The following SRRM3 variants were observed in gnomAD, a reference collection of about 807,000 sequenced individuals.
SRRM3 encodes the protein serine/arginine repetitive matrix 3.
In SRRM3, 27 loss-of-function variants were observed where a neutral mutation model predicts 66.2. That is an observed-to-expected ratio of 0.41 (90% CI 0.30 to 0.56). The LOEUF (loss-of-function observed/expected upper bound fraction) is 0.56, where lower values mean the gene tolerates loss of function less well. Among genes scored for constraint, SRRM3 ranks in the 20% least tolerant of loss-of-function variants. The pLI, the probability that SRRM3 is intolerant of heterozygous loss-of-function variation, is 0.32. For synonymous variants in SRRM3, 391 were observed against 414.9 expected, an observed-to-expected ratio of 0.94 and a Z score of 0.70; for missense variants, 918 against 991.9, an observed-to-expected ratio of 0.93 and a Z score of 1.00.
chr7:76,265,755 T>C (rs1293016285), intron 10 of SRRM3, among the ~76,000 whole-genome samples: 63 of 139,210 alleles, frequency 4.5e-4, no homozygotes, highest in African/African-American at 1.6e-3. Context: ...TTATTATATA[T>C]AATTATATAT....
chr7:76,221,359 CTTTT>C (rs781915041), intron 1 of SRRM3, among the ~76,000 whole-genome samples: 3 of 95,364 alleles, frequency 3.1e-5, no homozygotes, highest in African/African-American at 1.1e-4. Context: ...CTGCCCTCCT[CTTTT>C]TTTTTTTTTT....
intron 5 of SRRM3, 32 bp from the exon 6 acceptor site, chr7:76,260,842 G>A (rs369109488): frequency 5.6e-5 from 87 of 1,554,044 alleles, no homozygotes; most frequent in Middle Eastern, 1.7e-4. Context: ...CCATCCATCC[G>A]TCTGTCCTTT....
At chr7:76,245,330 C>T (rs980340968) in intron 2 of SRRM3, among the ~76,000 whole-genome samples, 2 of 152,240 alleles carry the variant, frequency 1.3e-5, no homozygotes, top group Non-Finnish European at 1.5e-5. Context: ...ATACCATTTT[C>T]GTGGATGGCT....
intron 1 of SRRM3, among the ~76,000 whole-genome samples, chr7:76,207,593 G>T (rs1800333719): frequency 1.3e-5 from 2 of 152,112 alleles, no homozygotes; most frequent in Non-Finnish European, 2.9e-5. Flanking sequence ...GGCCAGGTTT[G>T]GTGGCTCACC....
At chr7:76,227,550 C>T (rs1369658265) in intron 1 of SRRM3, among the ~76,000 whole-genome samples, 1 of 152,212 alleles carries the variant, frequency 6.6e-6, no homozygotes, top group African/African-American at 2.4e-5. Flanking sequence ...AGCCCTGCCT[C>T]CTGCTCCCTC....
intron 8 of SRRM3, among the ~76,000 whole-genome samples, chr7:76,261,990 CTAGAGG>C (rs1243015094): frequency 2.0e-5 from 3 of 151,582 alleles, no homozygotes; most frequent in Non-Finnish European, 2.9e-5. Context: ...GGAGCTGTGG[CTAGAGG>C]TAGAGTTTCT....
intron 11 of SRRM3, among the ~76,000 whole-genome samples, chr7:76,275,043 C>G (rs1802306587): frequency 6.7e-6 from 1 of 149,970 alleles, no homozygotes; most frequent in Non-Finnish European, 1.5e-5. Context: ...GAGGCAGAGG[C>G]TGCAGTGAGC....
intron 11 of SRRM3, among the ~76,000 whole-genome samples, chr7:76,274,921 C>G (rs1219978868): frequency 6.6e-6 from 1 of 152,136 alleles, no homozygotes; most frequent in African/African-American, 2.4e-5. Context: ...GCCTGGCCAA[C>G]ATGGCAAAAC....
intron 14 of SRRM3, among the ~76,000 whole-genome samples, chr7:76,284,000 G>A (rs927502524): frequency 3.9e-5 from 6 of 152,130 alleles, no homozygotes; most frequent in Non-Finnish European, 7.4e-5. Context: ...TGCCACATCT[G>A]TACAATAACC....
chr7:76,255,148 CTTT>C (rs57880700), intron 3 of SRRM3, among the ~76,000 whole-genome samples: 36 of 83,176 alleles, frequency 4.3e-4, no homozygotes, highest in African/African-American at 2.1e-3. Context: ...TTCTTTCTTT[CTTT>C]TTTTTTTTTT....
At chr7:76,206,820 G>A (rs541147581) in intron 1 of SRRM3, among the ~76,000 whole-genome samples, 6 of 152,302 alleles carry the variant, frequency 3.9e-5, no homozygotes, top group East Asian at 3.9e-4. Context: ...GCCTCCTGCC[G>A]CCCCCGCCCT....
Position 76,267,332 on chromosome 7 carries a change from C to T in SRRM3, c.905C>T (p.Pro302Leu). 1 of 1,538,040 alleles carries T rather than the reference C, an allele frequency of 6.5e-7. No homozygotes were observed. Among genetic ancestry groups the T allele is most frequent in the Non-Finnish European group, 8.7e-7 (1 of 1,148,902 alleles). ...TCCAGCGGAAGCCGGTCGCCTTCCCCGTCGGGCGGCAGCGGATGGGGGTCG... is the reference window on the plus strand; with the variant it reads ...TCCAGCGGAAGCCGGTCGCCTTCCCTGTCGGGCGGCAGCGGATGGGGGTCG... ...QRSSGSRSPS[P>L]SGGSGWGSPQ... Residue 302 changes from proline to leucine, a missense_variant, in exon 11 of 15, where the codon CCG becomes CTG. Transcript: ENST00000611745.
chr7:76,260,044 C>A lies in SRRM3; in HGVS notation c.464+10C>A. The stretch of plus-strand genomic sequence containing the variant: ...GCCACCGCGGGTACAGGTCAGCGGC[C>A]GCCGCGGCGGGGGTGGGGGGCGCGC... On this transcript the variant is annotated intron_variant, in intron 4 of 14. Coordinates refer to ENST00000611745, the MANE Select transcript of SRRM3 (RefSeq NM_001110199.3). 1 of 1,514,742 alleles carries A rather than the reference C, an allele frequency of 6.6e-7. No individual in the cohort carries two copies. Among genetic ancestry groups the A allele is most frequent in the Non-Finnish European group, 8.8e-7 (1 of 1,138,300 alleles). 93.8% of individuals were successfully genotyped at this position (1,514,742 alleles called of 1,614,324 possible). A position where few individuals can be genotyped will look rare whatever the true frequency, so the allele number is the denominator to read the frequency against.
chr7:76,244,797 C>T (rs1554606012), intron 2 of SRRM3, among the ~76,000 whole-genome samples: 1 of 152,198 alleles, frequency 6.6e-6, no homozygotes, highest in Admixed American at 6.6e-5. Flanking sequence ...CTTCTCCAGC[C>T]ATGAATTCAC....
intron 8 of SRRM3, among the ~76,000 whole-genome samples, chr7:76,261,978 G>A (rs1197700866): frequency 4.0e-5 from 6 of 151,758 alleles, no homozygotes; most frequent in East Asian, 1.9e-4. Context: ...AGGCAGGGTC[G>A]GGGAGCTGTG....
chr7:76,221,146 C>T (rs1366322779), intron 1 of SRRM3, among the ~76,000 whole-genome samples: 1 of 151,808 alleles, frequency 6.6e-6, no homozygotes, highest in Non-Finnish European at 1.5e-5. Flanking sequence ...CAACCTCCGC[C>T]TCCTGGGTAC....
intron 2 of SRRM3, among the ~76,000 whole-genome samples, chr7:76,237,630 T>C (rs1801183557): frequency 6.6e-6 from 1 of 151,976 alleles, no homozygotes; most frequent in East Asian, 1.9e-4. Context: ...CGAAATTCTG[T>C]CTGGAGAGTC....
intron 1 of SRRM3, among the ~76,000 whole-genome samples, chr7:76,204,301 G>A (rs1800240550): frequency 6.6e-6 from 1 of 152,122 alleles, no homozygotes; most frequent in South Asian, 2.1e-4. Context: ...CCAATGGGGA[G>A]GTTAGAGAAG....
At chr7:76,204,557 T>C (rs1277395640) in intron 1 of SRRM3, among the ~76,000 whole-genome samples, 2 of 152,040 alleles carry the variant, frequency 1.3e-5, no homozygotes, top group African/African-American at 4.8e-5. Context: ...ACAACACCAC[T>C]CTGCCCCCGA....
Sources: allele counts gnomAD v4.1 joint callset (sites outside exome capture counted in the v4.1 genomes callset), GRCh38; gene constraint gnomAD v4.1.1; transcripts MANE v1.5; gene names NCBI Gene and HGNC (gene_info 2026-07-23, HGNC 2026-07-21).